Variants in PIAS2 observed in about 807,000 individuals in gnomAD.
PIAS2 encodes the protein protein inhibitor of activated STAT 2, also known as E3 SUMO-protein ligase PIAS2.
A neutral mutation model predicts 69.7 loss-of-function variants in PIAS2; 19 were observed. The ratio of observed to expected loss-of-function variants is 0.27; its 90% confidence interval spans 0.19 to 0.40. The LOEUF (loss-of-function observed/expected upper bound fraction) is 0.40, where lower values mean the gene tolerates loss of function less well. PIAS2 is among the 10% of genes least tolerant of loss of function. The pLI is 1.00. For missense variants in PIAS2, 624 were observed against 757.0 expected, an observed-to-expected ratio of 0.82 and a Z score of 2.06; for synonymous variants, 261 against 263.2, an observed-to-expected ratio of 0.99 and a Z score of 0.08.
At chr18:46,868,654 C>T (rs1387623639) in intron 2 of PIAS2, among the ~76,000 whole-genome samples, 2 of 152,184 alleles carry the variant, frequency 1.3e-5, no homozygotes, top group African/African-American at 2.4e-5. Flanking sequence ...GGTGTGCTCT[C>T]GCAGCGGCCA....
intron 9 of PIAS2, among the ~76,000 whole-genome samples, chr18:46,832,232 T>C (rs1177914321): frequency 2.0e-5 from 3 of 151,648 alleles, no homozygotes; most frequent in African/African-American, 7.3e-5. Context: ...CTGACCAACA[T>C]GGTGAAACCC....
intron 2 of PIAS2, among the ~76,000 whole-genome samples, chr18:46,877,492 T>G (rs560943130): frequency 2.6e-5 from 4 of 152,168 alleles, no homozygotes; most frequent in Non-Finnish European, 5.9e-5. Context: ...ACCCATTCTG[T>G]AAACTGCCCC....
intron 1 of PIAS2, chr18:46,917,117 C>A: frequency 1.0e-6 from 1 of 993,734 alleles, no homozygotes; most frequent in Non-Finnish European, 1.2e-6. Context: ...CGGCCCAGGC[C>A]CGCCGCCCCC....
intron 3 of PIAS2, among the ~76,000 whole-genome samples, chr18:46,860,569 A>G (rs2048502637): frequency 6.6e-6 from 1 of 152,172 alleles, no homozygotes; most frequent in Non-Finnish European, 1.5e-5. Context: ...AGCCAACCTG[A>G]AAGAACTTCT....
chr18:46,805,244 AG>A lies in PIAS2; in HGVS notation c.*7188del, dbSNP rs2040633051. 1 of 152,286 alleles carries A rather than the reference AG, an allele frequency of 6.6e-6. No individual in the cohort carries two copies. Among genetic ancestry groups the A allele is most frequent in the Non-Finnish European group, 1.5e-5 (1 of 68,074 alleles). The allele number at this position is 152,286 out of a possible 1,614,324, so 9.4% of individuals were successfully genotyped here. Reference sequence around the variant, plus strand: ...ATTTCTTCAAGGCTGCAATAATGAAAGAACAGTCTGGACAAGTAGCAAAGAG... The same window carrying A: ...ATTTCTTCAAGGCTGCAATAATGAAAAACAGTCTGGACAAGTAGCAAAGAG... On this transcript the variant is annotated 3_prime_UTR_variant, in exon 14 of 14. Transcript: ENST00000585916.
At chr18:46,891,784 T>C in intron 1 of PIAS2, 1 of 202,076 alleles carries the variant, frequency 4.9e-6, no homozygotes, top group Non-Finnish European at 8.8e-6. Context: ...TCTACTGGCT[T>C]GTGCTTGGGC....
Position 46,808,861 on chromosome 18 carries a change from G to A in PIAS2, c.*3572C>T. 7.3e-6 allele frequency: 1 copy of A among 136,282 alleles called. No individual in the cohort carries two copies. Among genetic ancestry groups the A allele is most frequent in the African/African-American group, 2.8e-5 (1 of 35,826 alleles). 8.4% of individuals were successfully genotyped at this position (136,282 alleles called of 1,614,324 possible). A position where few individuals can be genotyped will look rare whatever the true frequency, so the allele number is the denominator to read the frequency against. On this transcript the variant is annotated 3_prime_UTR_variant, in exon 14 of 14. Transcript: ENST00000585916. ...TTTTTTTTAAACCAACTGAAGGCCA[G>A]AGAAATGAAAGGCATACCCGTGAAT...
intron 12 of PIAS2, among the ~76,000 whole-genome samples, chr18:46,819,052 C>T (rs2041883603): frequency 6.6e-6 from 1 of 152,214 alleles, no homozygotes; most frequent in South Asian, 2.1e-4. Context: ...GAAAAACTAA[C>T]AGGGCAAGTG....
intron 1 of PIAS2, chr18:46,908,034 A>C (rs886961379): frequency 6.6e-6 from 1 of 152,140 alleles, no homozygotes. Flanking sequence ...CTCTTTCTTG[A>C]CCTGCACGAT....
intron 3 of PIAS2, among the ~76,000 whole-genome samples, chr18:46,858,222 T>A (rs1307674260): frequency 7.1e-5 from 10 of 141,188 alleles, no homozygotes; most frequent in South Asian, 4.5e-4. Context: ...GAGATAAGAT[T>A]AAAAAAAAAA....
chr18:46,816,863 A>T, intron 12 of PIAS2: 1 of 973,292 alleles, frequency 1.0e-6, no homozygotes, highest in Non-Finnish European at 1.2e-6. Flanking sequence ...AAACTTTTCC[A>T]ATGACTTCTC....
Position 46,866,122 on chromosome 18 carries a change from A to G in PIAS2, c.500-1874T>C, listed in dbSNP as rs900722176. ...AGTACAAATGGAGAACTAAAAGAAG[A>G]GAGTGCAAAATGAGACATTAAAAAA... On this transcript the variant is annotated intron_variant, in intron 2 of 13. Coordinates refer to ENST00000585916, the MANE Select transcript of PIAS2 (RefSeq NM_004671.5). Among the ~76,000 whole-genome samples the G allele has an allele frequency of 5.9e-5, 9 of 152,240 alleles. 1 individual carries two copies. Among genetic ancestry groups the G allele is most frequent in the Admixed American group, 5.9e-4 (9 of 15,286 alleles).
chr18:46,844,296 T>A (rs982898045), intron 7 of PIAS2, among the ~76,000 whole-genome samples, 169 bp from the exon 8 acceptor site: 1 of 152,168 alleles, frequency 6.6e-6, no homozygotes, highest in African/African-American at 2.4e-5. Flanking sequence ...AATTTCTTTG[T>A]TTAAATTCTT....
chr18:46,877,575 T>C (rs1026150861), intron 2 of PIAS2, among the ~76,000 whole-genome samples: 1 of 152,134 alleles, frequency 6.6e-6, no homozygotes, highest in African/African-American at 2.4e-5. Context: ...CCCAAACACG[T>C]CTTGTACCGT....
intron 11 of PIAS2, among the ~76,000 whole-genome samples, chr18:46,824,956 C>T (rs1001075241): frequency 6.6e-6 from 1 of 151,008 alleles, no homozygotes; most frequent in East Asian, 1.9e-4. Context: ...GCCGCGATCA[C>T]ACCACGGCAT....
chr18:46,855,759 C>T, intron 3 of PIAS2, 144 bp from the exon 4 acceptor site: 1 of 663,984 alleles, frequency 1.5e-6, no homozygotes. Flanking sequence ...ATAATATAAG[C>T]CTTAATGAAA....
intron 1 of PIAS2, among the ~76,000 whole-genome samples, chr18:46,897,507 CATA>C (rs1270942306): frequency 2.6e-5 from 4 of 152,200 alleles, no homozygotes; most frequent in East Asian, 3.9e-4. Flanking sequence ...TCATTTTATT[CATA>C]ATAATACTTT....
At chr18:46,859,011 G>A (rs952202348) in intron 3 of PIAS2, among the ~76,000 whole-genome samples, 1 of 152,128 alleles carries the variant, frequency 6.6e-6, no homozygotes, top group Admixed American at 6.5e-5. Flanking sequence ...CTGTCTAGGG[G>A]CATACGGACC....
At chr18:46,832,306 T>G (rs1649073806) in intron 9 of PIAS2, among the ~76,000 whole-genome samples, 1 of 151,956 alleles carries the variant, frequency 6.6e-6, no homozygotes, top group South Asian at 2.1e-4. Flanking sequence ...TCCCAGCTAC[T>G]TGGGAGGCTG....
Sources: allele counts gnomAD v4.1 joint callset (sites outside exome capture counted in the v4.1 genomes callset), GRCh38; gene constraint gnomAD v4.1.1; transcripts MANE v1.5; gene names NCBI Gene and HGNC (gene_info 2026-07-23, HGNC 2026-07-21).